The following REDIC1 variants were observed in gnomAD, a reference collection of about 807,000 sequenced individuals.
REDIC1 encodes the protein HEI10 Interacting Protein 1.
the REDIC1 span, among the ~76,000 whole-genome samples, chr12:39,642,021 A>C: frequency 1.3e-5 from 2 of 151,752 alleles, no homozygotes; most frequent in Non-Finnish European, 3.0e-5. Flanking sequence ...TACATTCTCC[A>C]GATTTTATTT....
chr12:39,852,057 G>A, the REDIC1 span, among the ~76,000 whole-genome samples: 3 of 152,154 alleles, frequency 2.0e-5, no homozygotes, highest in Non-Finnish European at 4.4e-5. Flanking sequence ...GTTTAGAAAG[G>A]ACTAAAACAC....
chr12:39,639,539 A>T, the REDIC1 span, among the ~76,000 whole-genome samples: 3 of 152,120 alleles, frequency 2.0e-5, no homozygotes, highest in South Asian at 6.2e-4. Context: ...CTCAGTTGAC[A>T]TACTTGAAAG....
At chr12:39,729,077 C>G in the REDIC1 span, among the ~76,000 whole-genome samples, 1 of 151,868 alleles carries the variant, frequency 6.6e-6, no homozygotes, top group African/African-American at 2.4e-5. Context: ...GGCTAGTGGT[C>G]TATCTATTTT....
the REDIC1 span, among the ~76,000 whole-genome samples, chr12:39,662,702 G>T: frequency 6.6e-6 from 1 of 151,956 alleles, no homozygotes; most frequent in African/African-American, 2.4e-5. Context: ...TCTTTGTCTT[G>T]TTCTAGTTCT....
At chr12:39,793,243 A>ATTC in the REDIC1 span, among the ~76,000 whole-genome samples, 1 of 152,172 alleles carries the variant, frequency 6.6e-6, no homozygotes, top group East Asian at 1.9e-4. Flanking sequence ...TTATAATAGC[A>ATTC]CTAGAAAAGG....
the REDIC1 span, among the ~76,000 whole-genome samples, chr12:39,690,681 A>G: frequency 6.6e-6 from 1 of 152,036 alleles, no homozygotes; most frequent in African/African-American, 2.4e-5. Flanking sequence ...GTTGAAAGCA[A>G]ACAGATAGCA....
the REDIC1 span, among the ~76,000 whole-genome samples, chr12:39,845,703 A>G: frequency 6.6e-6 from 1 of 152,158 alleles, no homozygotes; most frequent in Non-Finnish European, 1.5e-5. Flanking sequence ...ATGTCCTCTG[A>G]TGCCAGCAAC....
At chr12:39,690,802 T>C in the REDIC1 span, among the ~76,000 whole-genome samples, 3 of 152,172 alleles carry the variant, frequency 2.0e-5, no homozygotes, top group African/African-American at 4.8e-5. Flanking sequence ...TTCTGATCCA[T>C]AGCAAGGCTT....
the REDIC1 span, among the ~76,000 whole-genome samples, chr12:39,779,800 T>A: frequency 1.3e-5 from 2 of 152,252 alleles, no homozygotes; most frequent in Non-Finnish European, 2.9e-5. Context: ...TCCTAAGCTT[T>A]AAAAATTTCA....
At chr12:39,635,498 C>G in the REDIC1 span, among the ~76,000 whole-genome samples, 3 of 151,966 alleles carry the variant, frequency 2.0e-5, no homozygotes, top group Non-Finnish European at 2.9e-5. Flanking sequence ...TTGCGGGGAC[C>G]TGGATGAAGC....
At chr12:39,883,699 T>G in the REDIC1 span, among the ~76,000 whole-genome samples, 4 of 152,342 alleles carry the variant, frequency 2.6e-5, no homozygotes, top group African/African-American at 9.6e-5. Flanking sequence ...AGTAAAACTT[T>G]GCAAGAACTT....
At chr12:39,805,237 CAG>C in the REDIC1 span, among the ~76,000 whole-genome samples, 4 of 152,130 alleles carry the variant, frequency 2.6e-5, no homozygotes, top group Non-Finnish European at 4.4e-5. Context: ...GAAGCCACGG[CAG>C]AGTGTTGAAC....
chr12:39,774,225 A>G, the REDIC1 span, among the ~76,000 whole-genome samples: 1 of 152,216 alleles, frequency 6.6e-6, no homozygotes, highest in Non-Finnish European at 1.5e-5. Context: ...TCTGAGGAGA[A>G]CTAAAGAAGC....
At chr12:39,638,324 G>A in the REDIC1 span, among the ~76,000 whole-genome samples, 43 of 152,062 alleles carry the variant, frequency 2.8e-4, no homozygotes, top group Non-Finnish European at 5.4e-4. Flanking sequence ...GAGATGCCAG[G>A]GGAAGTGCTG....
chr12:39,654,820 CT>C, the REDIC1 span, among the ~76,000 whole-genome samples: 1 of 152,140 alleles, frequency 6.6e-6, no homozygotes, highest in Non-Finnish European at 1.5e-5. Flanking sequence ...GGTATTATTT[CT>C]TTTCTAAGTT....
At chr12:39,640,402 C>T in the REDIC1 span, among the ~76,000 whole-genome samples, 1 of 151,840 alleles carries the variant, frequency 6.6e-6, no homozygotes, top group Non-Finnish European at 1.5e-5. Flanking sequence ...TTGGTAAGCT[C>T]CCTGGCTTTA....
At chr12:39,783,476 C>A in the REDIC1 span, among the ~76,000 whole-genome samples, 595 of 152,314 alleles carry the variant, frequency 3.9e-3, 5 homozygotes, top group African/African-American at 0.014. Context: ...AACTAGTTTA[C>A]AGTCCCACCA....
At chr12:39,850,738 A>G in the REDIC1 span, among the ~76,000 whole-genome samples, 1 of 152,198 alleles carries the variant, frequency 6.6e-6, no homozygotes, top group African/African-American at 2.4e-5. Context: ...TACACAGGCC[A>G]AGATTTGTTG....
chr12:39,749,284 A>G, the REDIC1 span, among the ~76,000 whole-genome samples: 5 of 152,340 alleles, frequency 3.3e-5, no homozygotes, highest in South Asian at 1.0e-3. Context: ...AGAGAATACT[A>G]TAAACACCTC....
Sources: allele counts gnomAD v4.1 joint callset (sites outside exome capture counted in the v4.1 genomes callset), GRCh38; gene constraint gnomAD v4.1.1; transcripts MANE v1.5; gene names NCBI Gene and HGNC (gene_info 2026-07-23, HGNC 2026-07-21).